The following AGAP1 variants were observed in gnomAD, a reference collection of about 807,000 sequenced individuals.
AGAP1 encodes the protein ArfGAP with GTPase domain, ankyrin repeat and PH domain 1, also known as arf-GAP with GTPase, ANK repeat and PH domain-containing protein 1.
Under a neutral mutation model 105.3 loss-of-function variants are expected in AGAP1, and 29 were observed. The observed-to-expected ratio is 0.28, with a 90% CI of 0.21 to 0.38. The LOEUF (loss-of-function observed/expected upper bound fraction) is 0.38, where lower values mean the gene tolerates loss of function less well. Ranked by LOEUF, AGAP1 falls within the 10% of genes least tolerant of loss-of-function variation. The pLI is 1.00. For missense variants in AGAP1, 998 were observed against 1,165.1 expected (o/e 0.86, Z 2.09); for synonymous variants, 509 against 485.9 (o/e 1.05, Z -0.63).
rs1285321557 is a variant in AGAP1, at chr2:235,622,568, C to T, written c.164-86611C>T. On this transcript the variant is annotated intron_variant, in intron 1 of 17. Coordinates refer to ENST00000304032, the MANE Select transcript of AGAP1 (RefSeq NM_001037131.3). The surrounding 1 kb of genome is among the most constrained non-coding windows in gnomAD (Gnocchi z 5.0). ...GAACCCCGGTGGCCCAGTTGCTCCT[C>T]TTGGTGGACTCACTAAGTCAACTTT... Among the ~76,000 whole-genome samples, 1 of 152,054 alleles carries T rather than the reference C, an allele frequency of 6.6e-6. No individual in the cohort carries two copies. Among genetic ancestry groups the T allele is most frequent in the Admixed American group, 6.5e-5 (1 of 15,270 alleles).
chr2:236,006,687 G>A (rs979551980), intron 13 of AGAP1, among the ~76,000 whole-genome samples: 27 of 152,082 alleles, frequency 1.8e-4, no homozygotes, highest in African/African-American at 5.6e-4. Context: ...ATTTTTTATT[G>A]TAGAGTCTCC....
chr2:235,546,173 C>T (rs1377387041), intron 1 of AGAP1, among the ~76,000 whole-genome samples: 1 of 152,216 alleles, frequency 6.6e-6, no homozygotes, highest in East Asian at 1.9e-4. Context: ...GGCTGTTCTG[C>T]TAGAATTCAG....
At chr2:235,538,687 T>C (rs368570663) in intron 1 of AGAP1, among the ~76,000 whole-genome samples, 3 of 152,126 alleles carry the variant, frequency 2.0e-5, no homozygotes, top group South Asian at 4.1e-4. Flanking sequence ...ACTCATCTTG[T>C]AGAGCCTCCC....
At chr2:235,797,468 G>C (rs1388508825) in intron 6 of AGAP1, among the ~76,000 whole-genome samples, 2 of 151,602 alleles carry the variant, frequency 1.3e-5, no homozygotes, top group Non-Finnish European at 2.9e-5. Context: ...GCAAAGGGAG[G>C]CTCTCCAGGA....
rs888669665 is a variant in AGAP1 at position 235,728,090 on chromosome 2, A to G, written c.310+10446A>G. ...AGTGGGGGCCTGGACACTAAGTGCC[A>G]CTTCTCTGCCCATGGCAAATTCCAA... On this transcript the variant is annotated intron_variant, in intron 3 of 17. Transcript: ENST00000304032. This position sits in a 1 kb window ranked among gnomAD's most constrained non-coding sequence, Gnocchi z 4.3. Among the ~76,000 whole-genome samples, 2 of 152,190 alleles carry G rather than the reference A, an allele frequency of 1.3e-5. No homozygotes were observed. The highest frequency in any genetic ancestry group is 2.9e-5 in the Non-Finnish European group (2 of 68,030).
intron 13 of AGAP1, 56 bp downstream of exon 13, chr2:235,968,679 A>G: frequency 1.3e-6 from 2 of 1,541,438 alleles, no homozygotes; most frequent in Non-Finnish European, 1.8e-6. Context: ...ATTCTCTGTT[A>G]TTTTTCAAAT....
intron 1 of AGAP1, among the ~76,000 whole-genome samples, chr2:235,523,545 C>T (rs1197478279): frequency 5.3e-5 from 8 of 152,138 alleles, no homozygotes; most frequent in Non-Finnish European, 7.4e-5. Flanking sequence ...TGTCATGGTA[C>T]GTGCTGTCCG....
rs189972712 is a variant in AGAP1 at position 235,880,751 on chromosome 2, A to C, written c.1051-2594A>C. Among the ~76,000 whole-genome samples, 882 of 152,174 alleles carry C rather than the reference A, an allele frequency of 5.8e-3. 10 individuals are homozygous for C. The highest frequency in any genetic ancestry group is 0.02 in the African/African-American group (840 of 41,520). The stretch of plus-strand genomic sequence containing the variant: ...CGAGACTCCGTCTCAAAAAAAAAAA[A>C]AACAAAAAAAGAACTTGAGTGAGGC... On this transcript the variant is annotated intron_variant, in intron 9 of 17. Transcript: ENST00000304032.
In AGAP1 at chr2:235,967,921, G is replaced by A. The variant is rs2054475468; in HGVS notation, c.1484-541G>A. On this transcript the variant is annotated intron_variant, in intron 12 of 17. Coordinates refer to ENST00000304032, the MANE Select transcript of AGAP1 (RefSeq NM_001037131.3). The surrounding 1 kb of genome is among the most constrained non-coding windows in gnomAD (Gnocchi z 4.7). ...AAACACTGTCACTGGACATTGGTGA[G>A]AGAGAGAAAAAAATGGCATAGAATT... 6.6e-6 allele frequency among the ~76,000 whole-genome samples: 1 copy of A among 152,164 alleles called. No individual in the cohort carries two copies. Among genetic ancestry groups the A allele is most frequent in the Non-Finnish European group, 1.5e-5 (1 of 68,022 alleles).
chr2:235,541,376 CTTTTTTTTTTTTTTTTT>C (rs556785424), intron 1 of AGAP1, among the ~76,000 whole-genome samples: 4 of 91,108 alleles, frequency 4.4e-5, no homozygotes, highest in Admixed American at 1.4e-4. Flanking sequence ...CATTCTTATT[CTTTTTTTTTTTTTTTTT>C]TTTTTTTTTT....
At chr2:235,645,924 A>C (rs1213594083) in intron 1 of AGAP1, among the ~76,000 whole-genome samples, 1 of 152,120 alleles carries the variant, frequency 6.6e-6, no homozygotes, top group African/African-American at 2.4e-5. Context: ...CCATTGCTAC[A>C]ATTTCCCCAA....
intron 12 of AGAP1, among the ~76,000 whole-genome samples, chr2:235,948,521 G>A (rs189443539): frequency 8.3e-4 from 126 of 152,328 alleles, no homozygotes; most frequent in Non-Finnish European, 4.3e-4. Flanking sequence ...TTTAAAATAC[G>A]AATTTCATAA....
chr2:235,836,585 G>A (rs1455779130), intron 9 of AGAP1, among the ~76,000 whole-genome samples: 1 of 152,214 alleles, frequency 6.6e-6, no homozygotes, highest in Non-Finnish European at 1.5e-5. Context: ...TGGAAATCTG[G>A]TGTCTGTCAC....
At chr2:235,521,165 C>A (rs886137819) in intron 1 of AGAP1, among the ~76,000 whole-genome samples, 2 of 152,202 alleles carry the variant, frequency 1.3e-5, no homozygotes, top group Non-Finnish European at 2.9e-5. Context: ...CAACGTGCTG[C>A]AAATTGCTTT....
At chr2:235,851,114 A>G (rs1241460926) in intron 9 of AGAP1, among the ~76,000 whole-genome samples, 1 of 152,242 alleles carries the variant, frequency 6.6e-6, no homozygotes, top group Non-Finnish European at 1.5e-5. Flanking sequence ...GTTTCTAGGC[A>G]CAGCCCAGTG....
At position 235,600,259 on chromosome 2, in the gene AGAP1, C is replaced by T. The variant is rs984620156; in HGVS notation, c.163+105410C>T. 1.3e-5 allele frequency among the ~76,000 whole-genome samples: 2 copies of T among 152,286 alleles called. No individual in the cohort carries two copies. The highest frequency in any genetic ancestry group is 1.9e-4 in the East Asian group (1 of 5,178). On this transcript the variant is annotated intron_variant, in intron 1 of 17. Transcript: ENST00000304032. This position sits in a 1 kb window ranked among gnomAD's most constrained non-coding sequence, Gnocchi z 4.8. Reference sequence around the variant, plus strand: ...TTATGGCCTCTGTTTACCCCACAGACGATCAGTGTGCCTGCTTCCAGGGGG... The same window carrying T: ...TTATGGCCTCTGTTTACCCCACAGATGATCAGTGTGCCTGCTTCCAGGGGG...
At position 235,750,937 on chromosome 2, in the gene AGAP1, C is replaced by T. The variant is rs1041765542; in HGVS notation, c.673+449C>T. Among the ~76,000 whole-genome samples the T allele has an allele frequency of 1.3e-5, 2 of 152,030 alleles. No individual in the cohort carries two copies. Among genetic ancestry groups the T allele is most frequent in the Admixed American group, 6.5e-5 (1 of 15,270 alleles). On this transcript the variant is annotated intron_variant, in intron 6 of 17. Transcript: ENST00000304032. The surrounding 1 kb of genome is among the most constrained non-coding windows in gnomAD (Gnocchi z 5.3). Reference sequence around the variant, plus strand: ...GAGAGAGAGAGTCAAGTTTGGACCTCCCCCCACCAAAAAAATAATAAAATG... The same window carrying T: ...GAGAGAGAGAGTCAAGTTTGGACCTTCCCCCACCAAAAAAATAATAAAATG...
At chr2:235,726,867 T>A (rs1382460197) in intron 3 of AGAP1, among the ~76,000 whole-genome samples, 1 of 152,140 alleles carries the variant, frequency 6.6e-6, no homozygotes, top group Non-Finnish European at 1.5e-5. Flanking sequence ...GCCAAGGGGA[T>A]GGATTTAGTT....
intron 3 of AGAP1, 33 bp downstream of exon 3, chr2:235,717,677 G>A: frequency 1.9e-6 from 3 of 1,566,886 alleles, no homozygotes; most frequent in Non-Finnish European, 2.6e-6. Flanking sequence ...GCAAACTTAA[G>A]AATGTAGTTT....
Sources: gnomAD v4.1 joint callset for allele counts (sites outside exome capture counted in the v4.1 genomes callset) on GRCh38, gnomAD v4.1.1 for gene constraint, Gnocchi (gnomAD v3.1) non-coding constraint, MANE v1.5 for transcripts, NCBI Gene and HGNC (gene_info 2026-07-23, HGNC 2026-07-21) for gene names.